Variants in FRMD4A observed in about 807,000 individuals in gnomAD.
FRMD4A encodes the protein FERM domain containing 4A.
FRMD4A carries 29 observed loss-of-function variants against 129.1 expected under a neutral mutation model. That is an observed-to-expected ratio of 0.22 (90% CI 0.17 to 0.31). FRMD4A has a LOEUF of 0.31. Ranked by LOEUF, FRMD4A falls within the 10% of genes least tolerant of loss-of-function variation. The pLI is 1.00. For missense variants in FRMD4A, 1,272 were observed against 1,375.8 expected (o/e 0.92, Z 1.19); for synonymous variants, 634 against 571.6 (o/e 1.11, Z -1.56).
Position 13,654,551 on chromosome 10 carries a change from G to A in FRMD4A, c.2954-39C>T, listed in dbSNP as rs755204978. The A allele has an allele frequency of 1.2e-5, 16 of 1,334,620 alleles. No homozygotes were observed. The East Asian group carries it at 3.4e-4, about 29-fold the overall frequency. The allele number at this position is 1,334,620 out of a possible 1,614,324, so 82.7% of individuals were successfully genotyped here. ...GTGCAAGAAAGGCAGAGAGCAGACAGGGATCAGACACAGGTGAAAGAGCTT... is the reference window on the plus strand; with the variant it reads ...GTGCAAGAAAGGCAGAGAGCAGACAAGGATCAGACACAGGTGAAAGAGCTT... On this transcript the variant is annotated intron_variant, in intron 22 of 24. Transcript: ENST00000357447.
chr10:14,128,062 T>A lies in FRMD4A; in HGVS notation c.45+201996A>T, dbSNP rs201346445. Among the ~76,000 whole-genome samples the A allele has an allele frequency of 3.5e-4, 22 of 63,492 alleles. 1 individual carries two copies. Among genetic ancestry groups the A allele is most frequent in the African/African-American group, 1.3e-3 (22 of 17,132 alleles). 41.7% of individuals were successfully genotyped at this position (63,492 alleles called of 152,430 possible). Reference sequence around the variant, plus strand: ...TTTCTTTCCCTCTTTCTTTCTTTCTTTCTTTCTTTCTTTCTTTCTTTCTTT... The same window carrying A: ...TTTCTTTCCCTCTTTCTTTCTTTCTATCTTTCTTTCTTTCTTTCTTTCTTT... On this transcript the variant is annotated intron_variant, in intron 2 of 24. Coordinates refer to ENST00000357447, the MANE Select transcript of FRMD4A (RefSeq NM_018027.5).
intron 2 of FRMD4A, among the ~76,000 whole-genome samples, chr10:13,897,920 G>C (rs79432424): frequency 0.032 from 3,977 of 123,676 alleles, 203 homozygotes; most frequent in African/African-American, 0.11. Context: ...CTGGGTGACA[G>C]ACAGAGACTC....
chr10:13,744,586 T>C (rs180703039), intron 9 of FRMD4A: 5 of 152,330 alleles, frequency 3.3e-5, no homozygotes, highest in Non-Finnish European at 7.3e-5. Context: ...CTGCAGAGGC[T>C]TGGCTGGGAT....
chr10:14,198,102 A>G (rs1189605492), intron 2 of FRMD4A, among the ~76,000 whole-genome samples: 1 of 151,966 alleles, frequency 6.6e-6, no homozygotes. Flanking sequence ...CCTTCAAACT[A>G]CTCTCCCAGA....
chr10:13,874,470 C>T (rs1997328), intron 2 of FRMD4A, among the ~76,000 whole-genome samples: 151,967 of 152,202 alleles, frequency 1, 75,868 homozygotes, highest in Middle Eastern at 1. Flanking sequence ...AAGGAAAAAA[C>T]TATGGATTTG....
intron 2 of FRMD4A, among the ~76,000 whole-genome samples, chr10:14,281,685 C>T (rs1364477955): frequency 6.6e-6 from 1 of 152,222 alleles, no homozygotes; most frequent in African/African-American, 2.4e-5. Flanking sequence ...AACTCCAGAA[C>T]CTTTTACTCT....
intron 4 of FRMD4A, among the ~76,000 whole-genome samples, chr10:13,806,529 C>T (rs1460703110): frequency 6.6e-6 from 1 of 152,140 alleles, no homozygotes; most frequent in Non-Finnish European, 1.5e-5. Context: ...TGGGATGAGT[C>T]GTTGCTAGAC....
Position 13,651,940 on chromosome 10 carries a change from A to C in FRMD4A, c.3085T>G (p.Ser1029Ala). The change falls in exon 24 of 25, where the codon TCT (serine) becomes GCT (alanine). Residue 1029 changes from serine (S) to alanine (A), a missense_variant. Around this residue, in one of 2 missense-constraint regions of FRMD4A, gnomAD observed 972 missense variants for 892.3 expected, o/e 1.09. Transcript: ENST00000357447. ...ATENSPILDG[S>A]ESPPHQSTDE ...GTACTTTGGTGAGGTGGAGACTCAGACCCATCCAGAATGGGTGAGTTTTCT... is the reference window on the plus strand; with the variant it reads ...GTACTTTGGTGAGGTGGAGACTCAGCCCCATCCAGAATGGGTGAGTTTTCT... The C allele has an allele frequency of 6.2e-7, 1 of 1,601,484 alleles. No individual in the cohort carries two copies. The highest frequency in any genetic ancestry group is 2.2e-5 in the East Asian group (1 of 44,814).
chr10:13,840,962 G>A (rs2093955177), intron 3 of FRMD4A, among the ~76,000 whole-genome samples: 1 of 152,004 alleles, frequency 6.6e-6, no homozygotes, highest in African/African-American at 2.4e-5. Flanking sequence ...AAAAGAATTA[G>A]ACAGGCATGG....
intron 2 of FRMD4A, among the ~76,000 whole-genome samples, chr10:13,962,999 A>G (rs1195047447): frequency 6.6e-6 from 1 of 152,234 alleles, no homozygotes; most frequent in Admixed American, 6.5e-5. Context: ...GTCCACATCA[A>G]GGAAGAACAA....
chr10:13,826,104 G>A (rs907447726), intron 3 of FRMD4A, among the ~76,000 whole-genome samples: 2 of 152,200 alleles, frequency 1.3e-5, no homozygotes, highest in Admixed American at 6.5e-5. Flanking sequence ...AAGCTGTCAC[G>A]AGGACTCAAT....
chr10:14,150,421 GATA>G (rs764632106), intron 2 of FRMD4A, among the ~76,000 whole-genome samples: 3 of 152,132 alleles, frequency 2.0e-5, no homozygotes, highest in African/African-American at 7.2e-5. Context: ...CTGAAATAGA[GATA>G]ATGTTATTAT....
intron 15 of FRMD4A, among the ~76,000 whole-genome samples, chr10:13,686,860 CG>C (rs1458208723): frequency 6.6e-6 from 1 of 152,180 alleles, no homozygotes; most frequent in Non-Finnish European, 1.5e-5. Context: ...CCCATTTATT[CG>C]TTTCAGTGGT....
intron 2 of FRMD4A, among the ~76,000 whole-genome samples, chr10:14,139,065 C>A (rs536233325): frequency 5.3e-5 from 8 of 152,262 alleles, no homozygotes; most frequent in African/African-American, 1.7e-4. Context: ...TTCTGAGTGG[C>A]AAGTATCTGT....
intron 12 of FRMD4A, among the ~76,000 whole-genome samples, chr10:13,728,916 T>C (rs2090119546): frequency 6.6e-6 from 1 of 152,152 alleles, no homozygotes; most frequent in Non-Finnish European, 1.5e-5. Flanking sequence ...CAAATGGAGA[T>C]GATTCAGCCA....
At chr10:14,294,282 G>A (rs1845939938) in intron 2 of FRMD4A, among the ~76,000 whole-genome samples, 1 of 152,102 alleles carries the variant, frequency 6.6e-6, no homozygotes, top group South Asian at 2.1e-4. Context: ...AGGCATATTT[G>A]GCTTTAAACC....
intron 2 of FRMD4A, among the ~76,000 whole-genome samples, chr10:14,061,365 T>A (rs1834805475): frequency 6.6e-6 from 1 of 152,002 alleles, no homozygotes; most frequent in Non-Finnish European, 1.5e-5. Context: ...GGCAGGAGAA[T>A]CACTTGAACC....
intron 2 of FRMD4A, among the ~76,000 whole-genome samples, chr10:14,069,290 T>A (rs1237090753): frequency 1.3e-5 from 2 of 152,188 alleles, no homozygotes; most frequent in Non-Finnish European, 2.9e-5. Flanking sequence ...AAAATGACAG[T>A]AGCCATGGCA....
intron 2 of FRMD4A, among the ~76,000 whole-genome samples, chr10:14,048,887 G>C (rs1834120688): frequency 1.0e-5 from 1 of 97,446 alleles, no homozygotes; most frequent in Admixed American, 1.1e-4. Context: ...GAATAGAATA[G>C]AATAGAATAG....
Sources: allele counts gnomAD v4.1 joint callset (sites outside exome capture counted in the v4.1 genomes callset), GRCh38; gene constraint gnomAD v4.1.1; regional missense constraint gnomAD v4.1.1; transcripts MANE v1.5; gene names NCBI Gene and HGNC (gene_info 2026-07-23, HGNC 2026-07-21).